Variants in ITIH4 observed in about 807,000 individuals in gnomAD.
The protein encoded by ITIH4 is inter-alpha-trypsin inhibitor heavy chain H4.
Under a neutral mutation model 111.8 loss-of-function variants are expected in ITIH4, and 79 were observed. The ratio of observed to expected loss-of-function variants is 0.71; its 90% CI spans 0.59 to 0.85. ITIH4 has a LOEUF of 0.85. ITIH4 is among the 40% of genes least tolerant of loss of function. The pLI is 0.00. For missense variants in ITIH4, 1,065 were observed against 1,195.8 expected (o/e 0.89, Z 1.61); for synonymous variants, 472 against 468.3 (o/e 1.01, Z -0.10).
rs1322659581 is a variant in ITIH4 at position 52,826,818 on chromosome 3, C to T, written c.492G>A (p.Arg164=). The change falls in exon 4 of 24, where the codon CGG becomes CGA. Residue 164 remains arginine (R), a synonymous_variant. Transcript: ENST00000266041. ...GCAGGTGCTTGACCAGCTGCTGGGGCCGCACTTTCAGCAGCAGCTCGTACA... is the reference window on the plus strand; with the variant it reads ...GCAGGTGCTTGACCAGCTGCTGGGGTCGCACTTTCAGCAGCAGCTCGTACA... ...LGVYELLLKV[R]PQQLVKHLQM... is the part of the protein sequence containing the mutation. 16 of 1,613,678 alleles carry T rather than the reference C, an allele frequency of 9.9e-6. No homozygotes were observed. The highest frequency in any genetic ancestry group is 1.4e-5 in the Non-Finnish European group (16 of 1,180,014).
intron 20 of ITIH4, among the ~76,000 whole-genome samples, chr3:52,817,391 CA>C (rs1043180796): frequency 2.6e-5 from 4 of 152,216 alleles, no homozygotes; most frequent in African/African-American, 9.6e-5. Flanking sequence ...ATGCCGCGGC[CA>C]AGGGTAAGAT....
intron 20 of ITIH4, 50 bp downstream of exon 20, chr3:52,818,002 G>A (rs752092366): frequency 7.3e-7 from 1 of 1,371,052 alleles, no homozygotes; most frequent in Non-Finnish European, 1.0e-6. Context: ...TAGGCAGGTG[G>A]TGGGTGTGTG....
intron 11 of ITIH4, 50 bp from the exon 12 acceptor site, chr3:52,821,180 G>C: frequency 6.3e-7 from 1 of 1,587,224 alleles, no homozygotes; most frequent in Non-Finnish European, 8.6e-7. Flanking sequence ...CCGGACATCT[G>C]CATCTGCCTG....
chr3:52,821,758 A>T (rs1700385563), intron 11 of ITIH4, among the ~76,000 whole-genome samples: 1 of 152,112 alleles, frequency 6.6e-6, no homozygotes, highest in African/African-American at 2.4e-5. Flanking sequence ...AGACTGACCT[A>T]GCTCGCTGCC....
chr3:52,820,887 T>C, intron 12 of ITIH4, 102 bp from the exon 13 acceptor site: 1 of 1,549,070 alleles, frequency 6.5e-7, no homozygotes. Flanking sequence ...ATCTGGAGCT[T>C]GGACATGATG....
At position 52,813,395 on chromosome 3, in the gene ITIH4, G is replaced by A. The variant is rs1264505417; in HGVS notation, c.*26C>T. ...TTGCAGGGGGAAGCCAAGTGTACAG[G>A]GTGGGCACAGCTCCTTCCATCAGAA... On this transcript the variant is annotated 3_prime_UTR_variant, in exon 24 of 24. Coordinates refer to ENST00000266041, the MANE Select transcript of ITIH4 (RefSeq NM_002218.5). 1 of 1,609,696 alleles carries A rather than the reference G, an allele frequency of 6.2e-7. No individual in the cohort carries two copies. Among genetic ancestry groups the A allele is most frequent in the Non-Finnish European group, 8.5e-7 (1 of 1,176,008 alleles).
chr3:52,829,068 G>A (rs1330721385), intron 2 of ITIH4, 51 bp downstream of exon 2: 4 of 1,462,314 alleles, frequency 2.7e-6, no homozygotes. Context: ...GAGCGATGGA[G>A]TCATAGCACT....
At chr3:52,819,042 C>T (rs770440550) in intron 17 of ITIH4, 1 of 327,206 alleles carries the variant, frequency 3.1e-6, no homozygotes, top group Non-Finnish European at 5.8e-6. Context: ...CCCCTCTGAA[C>T]AAGGAGTGTG....
chr3:52,827,963 G>T (rs1269193505), intron 2 of ITIH4, among the ~76,000 whole-genome samples: 3 of 152,170 alleles, frequency 2.0e-5, no homozygotes, highest in Non-Finnish European at 4.4e-5. Flanking sequence ...GCAGGAGGGG[G>T]AGCAGCCAGG....
chr3:52,826,482 A>G (rs1425698179), intron 5 of ITIH4, 59 bp downstream of exon 5: 14 of 1,292,870 alleles, frequency 1.1e-5, no homozygotes, highest in Non-Finnish European at 1.6e-5. Flanking sequence ...CCGGGCTCAT[A>G]GGGCTGGCCT....
In ITIH4 at chr3:52,824,228, G is replaced by A. The variant is rs1326861199; in HGVS notation, c.1133C>T (p.Ser378Leu). ...QEERLPEGSV[S>L]LIILLTDGDP... Reference sequence around the variant, plus strand: ...GCCATCGGTGAGCAGGATGATGAGTGAGACACTCCCTTCGGGCAGCCGCTC... The same window carrying A: ...GCCATCGGTGAGCAGGATGATGAGTAAGACACTCCCTTCGGGCAGCCGCTC... Residue 378 changes from serine (S) to leucine (L), a missense_variant, in exon 9 of 24, where the codon TCA becomes TTA. Coordinates refer to ENST00000266041, the MANE Select transcript of ITIH4 (RefSeq NM_002218.5). This position sits in a 1 kb window ranked among gnomAD's most constrained non-coding sequence, Gnocchi z 4.3. 2 of 1,613,446 alleles carry A rather than the reference G, an allele frequency of 1.2e-6. No individual in the cohort carries two copies. The highest frequency in any genetic ancestry group is 2.2e-5 in the East Asian group (1 of 44,872).
At chr3:52,818,917 T>C (rs773019488) in intron 17 of ITIH4, 19 of 302,838 alleles carry the variant, frequency 6.3e-5, no homozygotes, top group African/African-American at 1.3e-4. Flanking sequence ...CTGATGTCCA[T>C]ACACTGGGTA....
chr3:52,818,823 CTCA>C, intron 17 of ITIH4: 1 of 478,132 alleles, frequency 2.1e-6, no homozygotes, highest in Non-Finnish European at 3.8e-6. Flanking sequence ...AGAAGGTTTC[CTCA>C]TGAGTCAGCC....
Position 52,827,479 on chromosome 3 carries a change from C to T in ITIH4, c.252-282G>A, listed in dbSNP as rs138405711. Among the ~76,000 whole-genome samples the T allele has an allele frequency of 1.4e-3, 210 of 152,326 alleles. 3 individuals are homozygous for T. The highest frequency in any genetic ancestry group is 4.6e-3 in the African/African-American group (190 of 41,564). On this transcript the variant is annotated intron_variant, in intron 2 of 23. Coordinates refer to ENST00000266041, the MANE Select transcript of ITIH4 (RefSeq NM_002218.5). ...AGGGGAGGCTGCAGAGGGGCAGGGC[C>T]GGGCTAAATCCTGCCTTCTCTCCAC...
At chr3:52,816,762 C>T (rs1342599508) in intron 21 of ITIH4, 122 bp downstream of exon 21, 9 of 932,650 alleles carry the variant, frequency 9.6e-6, no homozygotes, top group Non-Finnish European at 1.3e-5. Context: ...TCTCTTTGCC[C>T]CTCCTGTGAG....
chr3:52,813,869 A>T, intron 23 of ITIH4, 106 bp downstream of exon 23: 1 of 854,010 alleles, frequency 1.2e-6, no homozygotes, highest in Non-Finnish European at 1.9e-6. Flanking sequence ...GACTGTGTCT[A>T]GTTCCTGGGC....
intron 14 of ITIH4, 75 bp from the exon 15 acceptor site, chr3:52,820,065 C>CT: frequency 1.3e-6 from 2 of 1,505,624 alleles, no homozygotes; most frequent in East Asian, 2.3e-5. Context: ...GGACTGTATT[C>CT]TTAGTGCTGG....
In ITIH4 at chr3:52,823,712, C is replaced by T; in HGVS notation, c.1383G>A (p.Leu461=). 1 of 1,614,182 alleles carries T rather than the reference C, an allele frequency of 6.2e-7. No homozygotes were observed. The highest frequency in any genetic ancestry group is 8.5e-7 in the Non-Finnish European group (1 of 1,180,026). Residue 461 remains leucine (L), a synonymous_variant, in exon 11 of 24, where the codon CTG becomes CTA. Transcript: ENST00000266041. ...QDFYQEVANP[L]LTAVTFEYPS... ...GGTACTCGAAGGTCACTGCTGTCAG[C>T]AGTGGGTTGGCCACTTCCTGGTAGA... is the stretch of plus-strand genomic sequence containing the variant.
Position 52,824,094 on chromosome 3 carries a change from C to T in ITIH4, c.1172-90G>A. 1.3e-6 allele frequency: 2 copies of T among 1,567,358 alleles called. No homozygotes were observed. Among genetic ancestry groups the T allele is most frequent in the Non-Finnish European group, 8.7e-7 (1 of 1,152,958 alleles). On this transcript the variant is annotated intron_variant, in intron 9 of 23. Transcript: ENST00000266041. The surrounding 1 kb of genome is among the most constrained non-coding windows in gnomAD (Gnocchi z 4.3). ...CCTCAGAGCCGAGGGGCCTCAGTGA[C>T]CCCCTCTCCCTGCCCAGATCCCACA...
Sources: gnomAD v4.1 joint callset for allele counts (sites outside exome capture counted in the v4.1 genomes callset) on GRCh38, gnomAD v4.1.1 for gene constraint, Gnocchi (gnomAD v3.1) non-coding constraint, MANE v1.5 for transcripts, NCBI Gene and HGNC (gene_info 2026-07-23, HGNC 2026-07-21) for gene names.